The following CCDC9 variants were observed in gnomAD, a reference collection of about 807,000 sequenced individuals.
CCDC9 encodes the protein coiled-coil domain-containing protein 9.
In CCDC9, 52 loss-of-function variants were observed where a neutral mutation model predicts 65.6. The observed-to-expected ratio is 0.79, with a 90% CI of 0.63 to 1.00. CCDC9 has a LOEUF of 1.00. Ranked by LOEUF, CCDC9 falls within the 50% of genes least tolerant of loss-of-function variation. CCDC9 has a pLI of 0.00. For missense variants in CCDC9, 834 were observed against 757.2 expected (o/e 1.10, Z -1.19); for synonymous variants, 332 against 280.3 (o/e 1.18, Z -1.84).
intron 7 of CCDC9, among the ~76,000 whole-genome samples, chr19:47,265,416 C>G (rs1334551709): frequency 6.6e-6 from 1 of 152,066 alleles, no homozygotes; most frequent in African/African-American, 2.4e-5. Flanking sequence ...AATCTCCCCT[C>G]ATTGTTAATG....
intron 5 of CCDC9, among the ~76,000 whole-genome samples, chr19:47,262,716 G>A (rs1019850670): frequency 2.6e-5 from 4 of 152,140 alleles, no homozygotes; most frequent in South Asian, 2.1e-4. Context: ...AAATGAAAAC[G>A]TTGTCTACAG....
At chr19:47,275,459 G>A (rs2059154045), downstream of CCDC9, 2 of 1,381,218 alleles carry the variant, frequency 1.4e-6, no homozygotes, top group Admixed American at 3.1e-5. Context: ...ACATCGCTCA[G>A]CGTCTCTGGA....
intron 8 of CCDC9, among the ~76,000 whole-genome samples, chr19:47,268,586 A>G (rs2059096849): frequency 6.6e-6 from 1 of 152,068 alleles, no homozygotes; most frequent in South Asian, 2.1e-4. Flanking sequence ...TGTTTTTCTT[A>G]TGTGTCCTAA....
At chr19:47,267,773 ATCC>A (rs1294168942) in intron 8 of CCDC9, among the ~76,000 whole-genome samples, 1 of 152,114 alleles carries the variant, frequency 6.6e-6, no homozygotes. Flanking sequence ...AGACCTTTGC[ATCC>A]TCCTGCCAGC....
chr19:47,273,923 T>C, downstream of CCDC9: 1 of 970,126 alleles, frequency 1.0e-6, no homozygotes, highest in Non-Finnish European at 1.2e-6. Flanking sequence ...GGAAGGGGTC[T>C]TCCTCCACCC....
downstream of CCDC9, chr19:47,274,687 GC>G (rs1488703779): frequency 3.9e-6 from 1 of 254,610 alleles, no homozygotes; most frequent in Non-Finnish European, 6.8e-6. Flanking sequence ...CGGGGGCGGG[GC>G]TGGAGCGAGG....
At chr19:47,260,472 G>A (rs2059037615) in intron 4 of CCDC9, 50 bp downstream of exon 4, 5 of 1,608,198 alleles carry the variant, frequency 3.1e-6, no homozygotes, top group Non-Finnish European at 3.4e-6. Flanking sequence ...AGGGGCAGAG[G>A]GTTGAGGCCT....
At chr19:47,268,606 G>A (rs1401962755) in intron 8 of CCDC9, among the ~76,000 whole-genome samples, 2 of 152,198 alleles carry the variant, frequency 1.3e-5, no homozygotes, top group South Asian at 2.1e-4. Context: ...AAAGCAGTTT[G>A]CAACAAGTCT....
At chr19:47,260,449 C>T (rs2059037514) in intron 4 of CCDC9, 27 bp downstream of exon 4, 5 of 1,608,962 alleles carry the variant, frequency 3.1e-6, no homozygotes, top group Non-Finnish European at 4.2e-6. Flanking sequence ...GGTGTGGGAC[C>T]CTGAGGATGG....
chr19:47,274,916 G>C, downstream of CCDC9: 1 of 1,314,258 alleles, frequency 7.6e-7, no homozygotes, highest in Non-Finnish European at 9.6e-7. Context: ...AGTGGGCTGC[G>C]GGGATGCGGG....
At chr19:47,262,967 T>C (rs2059055511) in intron 5 of CCDC9, among the ~76,000 whole-genome samples, 1 of 151,806 alleles carries the variant, frequency 6.6e-6, no homozygotes, top group African/African-American at 2.4e-5. Flanking sequence ...GCCCCTGTGG[T>C]CCCAGCTACT....
chr19:47,272,318 G>T (rs1346167872), downstream of CCDC9, among the ~76,000 whole-genome samples: 1 of 151,866 alleles, frequency 6.6e-6, no homozygotes, highest in Non-Finnish European at 1.5e-5. Context: ...GGGATGGGGG[G>T]CTGGAGCCGG....
chr19:47,271,128 G>A lies in CCDC9; in HGVS notation c.1132G>A (p.Ala378Thr). 1 of 1,579,330 alleles carries A rather than the reference G, an allele frequency of 6.3e-7. No homozygotes were observed. The highest frequency in any genetic ancestry group is 2.3e-5 in the East Asian group (1 of 43,532). ...GACAAAAGAAGGGGCAGCATCCCCA[G>A]CCCCTGAGACTCCACAGCCTACTTC... ...WETKEGAASP[A>T]PETPQPTSPE... The change falls in exon 11 of 12, where the codon GCC becomes ACC. Residue 378 changes from alanine to threonine, a missense_variant. Ala to Thr is a moderately conservative substitution (Grantham distance 58). Transcript: ENST00000221922.
chr19:47,258,154 T>G, intron 1 of CCDC9, 176 bp from the exon 2 acceptor site: 2 of 581,816 alleles, frequency 3.4e-6, no homozygotes, highest in South Asian at 2.1e-5. Context: ...AAGGGCTGAG[T>G]CTGAATTTCT....
chr19:47,266,436 A>G, intron 7 of CCDC9, 175 bp from the exon 8 acceptor site: 1 of 890,860 alleles, frequency 1.1e-6, no homozygotes, highest in Non-Finnish European at 1.6e-6. Flanking sequence ...GAGGGATGCT[A>G]CTTAGGAGAT....
chr19:47,270,517 C>T (rs1477099138), intron 9 of CCDC9, 36 bp from the exon 10 acceptor site: 2 of 1,614,024 alleles, frequency 1.2e-6, no homozygotes, highest in Admixed American at 1.7e-5. Context: ...GTGTGCCACA[C>T]CTTCCCTTCC....
At chr19:47,264,173 G>T (rs2059064521) in intron 5 of CCDC9, among the ~76,000 whole-genome samples, 1 of 152,152 alleles carries the variant, frequency 6.6e-6, no homozygotes, top group South Asian at 2.1e-4. Context: ...GAGCCACCGC[G>T]CCCGGCCACT....
rs2059126622 is a variant in CCDC9 at position 47,271,878 on chromosome 19, T to C, written c.*200T>C. 2 of 1,342,112 alleles carry C rather than the reference T, an allele frequency of 1.5e-6. No homozygotes were observed. The highest frequency in any genetic ancestry group is 1.9e-6 in the Non-Finnish European group (2 of 1,049,590). 83.1% of individuals were successfully genotyped at this position (1,342,112 alleles called of 1,614,324 possible). On this transcript the variant is annotated 3_prime_UTR_variant, in exon 12 of 12. Coordinates refer to ENST00000221922, the MANE Select transcript of CCDC9 (RefSeq NM_015603.3). ...ATGCTCTTCTGTACTGTCATGCCCG[T>C]CTCTGGAATGTCCACTCCCAGAGCC...
chr19:47,267,681 C>A (rs883030), intron 8 of CCDC9, among the ~76,000 whole-genome samples: 81,876 of 151,886 alleles, frequency 0.54, 23,068 homozygotes, highest in African/African-American at 0.69. Flanking sequence ...AGCTCTGCCC[C>A]CTCCAGTGGA....
Sources: gnomAD v4.1 joint callset for allele counts (sites outside exome capture counted in the v4.1 genomes callset) on GRCh38, gnomAD v4.1.1 for gene constraint, MANE v1.5 for transcripts, NCBI Gene and HGNC (gene_info 2026-07-23, HGNC 2026-07-21) for gene names.